PCIF1: variants seen among roughly 807,000 people sequenced by gnomAD.
PCIF1 encodes mRNA (2'-O-methyladenosine-N(6)-)-methyltransferase.
Under a neutral mutation model 86.9 loss-of-function variants are expected in PCIF1, and 12 were observed. The observed-to-expected ratio is 0.14, with a 90% confidence interval of 0.09 to 0.22. The LOEUF is 0.22. Among genes scored for constraint, PCIF1 ranks in the 10% least tolerant of loss-of-function variants. The pLI, the probability that PCIF1 is intolerant of heterozygous loss-of-function variation, is 1.00. For missense variants in PCIF1, 701 were observed against 951.1 expected (o/e 0.74, Z 3.46); for synonymous variants, 397 against 372.0 (o/e 1.07, Z -0.77).
chr20:45,937,876 C>G (rs555710464), intron 2 of PCIF1: 1 of 287,166 alleles, frequency 3.5e-6, no homozygotes, highest in East Asian at 5.6e-5. Flanking sequence ...CCCAATGATT[C>G]GTATGATGTC....
chr20:45,943,382 C>G lies in PCIF1; in HGVS notation c.864C>G (p.Leu288=). 1.9e-6 allele frequency: 3 copies of G among 1,614,100 alleles called. No homozygotes were observed. Among genetic ancestry groups the G allele is most frequent in the Non-Finnish European group, 1.7e-6 (2 of 1,180,004 alleles). ...TCCGGGAGGAAGCCAAGCGCCTGCT[C>G]TTTAAATATGCGGAGGCCGCCAGGC... The part of the protein sequence containing the change: ...IKFREEAKRL[L]FKYAEAARRL... The change falls in exon 9 of 17, where the codon CTC becomes CTG. Residue 288 remains leucine (L), a synonymous_variant. Transcript: ENST00000372409. This position sits in a 1 kb window ranked among gnomAD's most constrained non-coding sequence, Gnocchi z 5.5.
At position 45,947,283 on chromosome 20, in the gene PCIF1, G is replaced by C; in HGVS notation, c.1728G>C (p.Pro576=). ...CACAGAGACTGCTTGAGAGCTCACC[G>C]GAGCCCCTGTCCTTCATCGTGTTCA... is the stretch of plus-strand genomic sequence containing the variant. The part of the protein sequence containing the change: ...SHFERLLESS[P]EPLSFIVFIP... Residue 576 remains proline (P), a synonymous_variant, in exon 16 of 17, where the codon CCG becomes CCC. Transcript: ENST00000372409. This position sits in a 1 kb window ranked among gnomAD's most constrained non-coding sequence, Gnocchi z 5.4. The C allele has an allele frequency of 6.2e-7, 1 of 1,613,052 alleles. No individual in the cohort carries two copies. The highest frequency in any genetic ancestry group is 2.2e-5 in the East Asian group (1 of 44,854).
rs1298693951 is a variant in PCIF1 at position 45,943,814 on chromosome 20, C to T, written c.1005+49C>T. Reference sequence around the variant, plus strand: ...GGCCAGTTTTAGGGCTCTGTGGCCACTTCCTCCAGGAAGCCTACTCTGCCT... The same window carrying T: ...GGCCAGTTTTAGGGCTCTGTGGCCATTTCCTCCAGGAAGCCTACTCTGCCT... On this transcript the variant is annotated intron_variant, in intron 10 of 16. Transcript: ENST00000372409. The surrounding 1 kb of genome is among the most constrained non-coding windows in gnomAD (Gnocchi z 5.5). 2 of 1,478,968 alleles carry T rather than the reference C, an allele frequency of 1.4e-6. No individual in the cohort carries two copies. Among genetic ancestry groups the T allele is most frequent in the Non-Finnish European group, 9.2e-7 (1 of 1,084,734 alleles). 91.6% of individuals were successfully genotyped at this position (1,478,968 alleles called of 1,614,324 possible). A position where few individuals can be genotyped will look rare whatever the true frequency, so the allele number is the denominator to read the frequency against.
chr20:45,940,878 C>A lies in PCIF1; in HGVS notation c.457C>A (p.Leu153Met). 2 of 1,614,220 alleles carry A rather than the reference C, an allele frequency of 1.2e-6. No homozygotes were observed. The highest frequency in any genetic ancestry group is 4.5e-5 in the East Asian group (2 of 44,884). Residue 153 changes from leucine (L) to methionine (M), a missense_variant, in exon 6 of 17, where the codon CTG (leucine) becomes ATG (methionine). Physicochemically the swap from Leu to Met is conservative, Grantham distance 15. Coordinates refer to ENST00000372409, the MANE Select transcript of PCIF1 (RefSeq NM_022104.4). ...SSPSIPGTPT[L>M]KMWGTSPEDK... ...CCCCAGTATCCCAGGAACCCCAACG[C>A]TGAAGATGTGGGGTACGTCCCCTGA...
At position 45,947,504 on chromosome 20, in the gene PCIF1, G is replaced by T. The variant is rs191835535; in HGVS notation, c.1884-20G>T. On this transcript the variant is annotated intron_variant, in intron 16 of 16. Coordinates refer to ENST00000372409, the MANE Select transcript of PCIF1 (RefSeq NM_022104.4). This position sits in a 1 kb window ranked among gnomAD's most constrained non-coding sequence, Gnocchi z 5.4. ...CAGGCCAGGCCCAGCCCCACCCTGA[G>T]CCATTGCCTTTGCCCGCAGGGAGGA... 4 of 1,613,570 alleles carry T rather than the reference G, an allele frequency of 2.5e-6. No individual in the cohort carries two copies. The African/African-American group carries it at 5.3e-5, about 22-fold the overall frequency.
At chr20:45,937,307 C>T (rs1389594763) in intron 1 of PCIF1, 111 bp from the exon 2 acceptor site, 1 of 398,024 alleles carries the variant, frequency 2.5e-6, no homozygotes, top group Non-Finnish European at 4.4e-6. Flanking sequence ...CATCCCCTCT[C>T]CCGGTGTGTC....
At chr20:45,944,221 A>T (rs929221950) in intron 10 of PCIF1, among the ~76,000 whole-genome samples, 1 of 152,112 alleles carries the variant, frequency 6.6e-6, no homozygotes, top group Non-Finnish European at 1.5e-5. Context: ...CTCCACCAGC[A>T]CTAGCAATGG....
chr20:45,945,347 A>C lies in PCIF1; in HGVS notation c.1168+317A>C, dbSNP rs77118468. 2.9e-3 allele frequency among the ~76,000 whole-genome samples: 445 copies of C among 152,310 alleles called. 4 individuals are homozygous for C. Among genetic ancestry groups the C allele is most frequent in the Middle Eastern group, 0.01 (3 of 294 alleles). ...TACTCATAGGTAACTCAAGTAAACC[A>C]TGTGGCCCCAAAAGATCCCCAAATA... On this transcript the variant is annotated intron_variant, in intron 11 of 16. Coordinates refer to ENST00000372409, the MANE Select transcript of PCIF1 (RefSeq NM_022104.4).
intron 10 of PCIF1, among the ~76,000 whole-genome samples, chr20:45,944,330 C>T (rs549122700): frequency 6.6e-6 from 1 of 152,302 alleles, no homozygotes. Context: ...GGTAGGTGTA[C>T]TCACTAGCCA....
At position 45,944,871 on chromosome 20, in the gene PCIF1, C is replaced by A; in HGVS notation, c.1009C>A (p.Arg337Ser). The change falls in exon 11 of 17, where the codon CGC (arginine) becomes AGC (serine). Residue 337 changes from arginine to serine, a missense_variant. This residue lies in a region of PCIF1 where 129 missense variants were observed against 245.9 expected (regional missense o/e 0.52). Transcript: ENST00000372409. ...HSASKEDYMD[R>S]LEHLRRQCGP... ...TGATCCAGAATGTGTCCTCTAGGAT[C>A]GCCTGGAGCATCTGCGGAGGCAGTG... 1 of 1,612,802 alleles carries A rather than the reference C, an allele frequency of 6.2e-7. No individual in the cohort carries two copies.
At chr20:45,938,758 G>T (rs1165853648) in intron 2 of PCIF1, among the ~76,000 whole-genome samples, 1 of 152,174 alleles carries the variant, frequency 6.6e-6, no homozygotes, top group Non-Finnish European at 1.5e-5. Context: ...GCAGAGAAGA[G>T]GGGGAGGGGC....
intron 5 of PCIF1, 83 bp from the exon 6 acceptor site, chr20:45,940,726 A>G (rs2083462395): frequency 1.3e-6 from 2 of 1,570,298 alleles, no homozygotes; most frequent in South Asian, 1.2e-5. Context: ...GGCCTGGGAC[A>G]CAGTTCACCA....
rs750442407 is a variant in PCIF1 at position 45,947,362 on chromosome 20, C to G, written c.1807C>G (p.Arg603Gly). The G allele has an allele frequency of 3.1e-6, 5 of 1,613,982 alleles. No homozygotes were observed. Among genetic ancestry groups the G allele is most frequent in the Non-Finnish European group, 3.4e-6 (4 of 1,180,022 alleles). Residue 603 changes from arginine (R) to glycine (G), a missense_variant, in exon 16 of 17, where the codon CGC (arginine) becomes GGC (glycine). Transcript: ENST00000372409. The surrounding 1 kb of genome is among the most constrained non-coding windows in gnomAD (Gnocchi z 5.4). The part of the protein sequence containing the change: ...TPALTRMEQS[R>G]FKRHQLILPA... ...AGCGCTCACCCGCATGGAGCAGAGC[C>G]GCTTCAAACGCCACCAGTTGATCCT...
chr20:45,947,903 C>T lies in PCIF1; in HGVS notation c.*148C>T. ...TCCCCTCCCTGCCTGTCCCCAAGTC[C>T]TCACCTCAAACTCCCTCCAAGTCCC... On this transcript the variant is annotated 3_prime_UTR_variant, in exon 17 of 17. Coordinates refer to ENST00000372409, the MANE Select transcript of PCIF1 (RefSeq NM_022104.4). The surrounding 1 kb of genome is among the most constrained non-coding windows in gnomAD (Gnocchi z 5.4). 1 of 1,533,688 alleles carries T rather than the reference C, an allele frequency of 6.5e-7. No individual in the cohort carries two copies. The highest frequency in any genetic ancestry group is 8.7e-7 in the Non-Finnish European group (1 of 1,146,462).
Position 45,940,860 on chromosome 20 carries a change from A to G in PCIF1, c.439A>G (p.Ile147Val). ...TGQSVPSSPS[I>V]PGTPTLKMWG... ...CCAGTCGGTGCCCAGCTCCCCCAGTATCCCAGGAACCCCAACGCTGAAGAT... is the reference window on the plus strand; with the variant it reads ...CCAGTCGGTGCCCAGCTCCCCCAGTGTCCCAGGAACCCCAACGCTGAAGAT... Residue 147 changes from isoleucine to valine, a missense_variant, in exon 6 of 17, where the codon ATC (isoleucine) becomes GTC (valine). Ile to Val is a conservative substitution (Grantham distance 29, BLOSUM62 3). Around this residue, in one of 7 missense-constraint regions of PCIF1, gnomAD observed 125 missense variants for 126.8 expected, o/e 0.99. Coordinates refer to ENST00000372409, the MANE Select transcript of PCIF1 (RefSeq NM_022104.4). The G allele has an allele frequency of 1.2e-6, 2 of 1,614,124 alleles. No homozygotes were observed. Among genetic ancestry groups the G allele is most frequent in the Non-Finnish European group, 1.7e-6 (2 of 1,180,010 alleles).
At chr20:45,946,480 G>A in intron 14 of PCIF1, 96 bp downstream of exon 14, 1 of 1,419,676 alleles carries the variant, frequency 7.0e-7, no homozygotes, top group Non-Finnish European at 9.7e-7. Context: ...GGCAGGCTTG[G>A]GTGGAGTCCC....
At position 45,947,029 on chromosome 20, in the gene PCIF1, G is replaced by A; in HGVS notation, c.1614-44G>A. ...GGGTGGCACCTGTTTCTGGTTGAGG[G>A]ACTGGGTCCTGATGGGACTTAGAAT... On this transcript the variant is annotated intron_variant, in intron 14 of 16. Transcript: ENST00000372409. This position sits in a 1 kb window ranked among gnomAD's most constrained non-coding sequence, Gnocchi z 5.4. 1 of 1,530,864 alleles carries A rather than the reference G, an allele frequency of 6.5e-7. No homozygotes were observed. Among genetic ancestry groups the A allele is most frequent in the Non-Finnish European group, 8.9e-7 (1 of 1,119,026 alleles). 94.8% of individuals were successfully genotyped at this position (1,530,864 alleles called of 1,614,324 possible). A position where few individuals can be genotyped will look rare whatever the true frequency, so the allele number is the denominator to read the frequency against.
intron 7 of PCIF1, among the ~76,000 whole-genome samples, chr20:45,942,532 C>T (rs980436927): frequency 6.6e-6 from 1 of 151,588 alleles, no homozygotes; most frequent in African/African-American, 2.4e-5. Context: ...CAAGGCTGGT[C>T]TCTAACTCCT....
At chr20:45,935,674 G>A (rs980276194) in intron 1 of PCIF1, among the ~76,000 whole-genome samples, 1 of 152,100 alleles carries the variant, frequency 6.6e-6, no homozygotes, top group African/African-American at 2.4e-5. Context: ...TGCAAAAAAT[G>A]GGTACATTTT....
Sources: allele counts gnomAD v4.1 joint callset (sites outside exome capture counted in the v4.1 genomes callset), GRCh38; gene constraint gnomAD v4.1.1; regional missense constraint gnomAD v4.1.1; non-coding constraint Gnocchi (gnomAD v3.1); transcripts MANE v1.5; gene names NCBI Gene and HGNC (gene_info 2026-07-23, HGNC 2026-07-21).